The following HMCN1 variants were observed in gnomAD, a reference collection of about 807,000 sequenced individuals.
The protein encoded by HMCN1 is hemicentin-1.
Under a neutral mutation model 625.9 loss-of-function variants are expected in HMCN1, and 321 were observed. The observed-to-expected ratio is 0.51, with a 90% confidence interval of 0.47 to 0.56. HMCN1 has a LOEUF of 0.56. HMCN1 is among the 20% of genes least tolerant of loss of function. The pLI is 0.00. For missense variants in HMCN1, 6,588 were observed against 6,887.3 expected (o/e 0.96, Z 1.54); for synonymous variants, 2,425 against 2,417.6 (o/e 1.00, Z -0.09).
chr1:185,902,405 CTCTATCTATCTATCTATCTA>C (rs57523158), intron 4 of HMCN1, among the ~76,000 whole-genome samples: 7,204 of 145,340 alleles, frequency 0.05, 644 homozygotes, highest in African/African-American at 0.18. Flanking sequence ...ATCTATCTAT[CTCTATCTATCTATCTATCTA>C]TCTATCTATC....
chr1:186,143,179 A>G (rs1275172411), intron 89 of HMCN1, among the ~76,000 whole-genome samples: 1 of 152,232 alleles, frequency 6.6e-6, no homozygotes, highest in Admixed American at 6.5e-5. Flanking sequence ...TAACTATAAG[A>G]AACTGTAACA....
intron 1 of HMCN1, among the ~76,000 whole-genome samples, chr1:185,771,276 G>A (rs1246467931): frequency 2.0e-5 from 3 of 152,202 alleles, no homozygotes. Flanking sequence ...GGGATCAGTA[G>A]CGTTTGGCAG....
chr1:185,783,985 G>A (rs975581582), intron 1 of HMCN1, among the ~76,000 whole-genome samples: 14 of 152,192 alleles, frequency 9.2e-5, no homozygotes, highest in Non-Finnish European at 1.5e-4. Flanking sequence ...TAGCTGCGGT[G>A]GGCTCCACCC....
intron 28 of HMCN1, among the ~76,000 whole-genome samples, chr1:186,003,464 A>C (rs1208164897): frequency 6.6e-6 from 1 of 152,250 alleles, no homozygotes; most frequent in South Asian, 2.1e-4. Flanking sequence ...TAATACACCC[A>C]AAAATGAACC....
intron 18 of HMCN1, among the ~76,000 whole-genome samples, chr1:185,983,163 T>C (rs1651768889): frequency 6.6e-6 from 1 of 152,170 alleles, no homozygotes; most frequent in African/African-American, 2.4e-5. Flanking sequence ...GTCATTGTTT[T>C]TCGGTGTAAA....
At chr1:185,802,355 A>G (rs1658856052) in intron 1 of HMCN1, among the ~76,000 whole-genome samples, 1 of 152,194 alleles carries the variant, frequency 6.6e-6, no homozygotes, top group South Asian at 2.1e-4. Context: ...TGTAGACTAG[A>G]CATCTTGATA....
At chr1:186,028,022 GGT>G (rs1655173348) in intron 36 of HMCN1, among the ~76,000 whole-genome samples, 1 of 151,754 alleles carries the variant, frequency 6.6e-6, no homozygotes, top group Non-Finnish European at 1.5e-5. Flanking sequence ...AGATTTTCTT[GGT>G]ATAGATTAAT....
At chr1:186,090,634 T>C (rs1338666826) in intron 63 of HMCN1, 124 bp from the exon 64 acceptor site, 2 of 1,071,064 alleles carry the variant, frequency 1.9e-6, no homozygotes, top group Admixed American at 4.0e-5. Flanking sequence ...ATAACAATAG[T>C]TTGACCTTGA....
At position 186,076,472 on chromosome 1, in the gene HMCN1, G is replaced by T. The variant is rs765146245; in HGVS notation, c.8335G>T (p.Asp2779Tyr). The change falls in exon 54 of 107, where the codon GAT becomes TAT. Residue 2779 changes from aspartate (D) to tyrosine (Y), a missense_variant. Transcript: ENST00000271588. ...QKLWEIGNML[D>Y]TGRNGEAKDV... ...ACTCTGGGAAATAGGAAACATGCTA[G>T]ATACTGGCAGGAATGGTGAAGCCAA... 8 of 1,613,572 alleles carry T rather than the reference G, an allele frequency of 5.0e-6. No homozygotes were observed. The Admixed American group carries it at 8.3e-5, about 17-fold the overall frequency.
chr1:186,093,757 G>GT lies in HMCN1; in HGVS notation c.10196+95dup, dbSNP rs933624923. ...TTCATTTAAACAGTGTTGAAGAAAT[G>GT]TTTTTTTCTAAGCCTTTACAGTTTT... On this transcript the variant is annotated intron_variant, in intron 66 of 106. Transcript: ENST00000271588. 6 of 1,563,018 alleles carry GT rather than the reference G, an allele frequency of 3.8e-6. No individual in the cohort carries two copies. In the South Asian group the frequency reaches 4.5e-5, roughly 12 times the overall value.
intron 1 of HMCN1, among the ~76,000 whole-genome samples, chr1:185,793,286 A>C (rs1258511814): frequency 6.6e-6 from 1 of 152,204 alleles, no homozygotes; most frequent in African/African-American, 2.4e-5. Context: ...TGGAGGCTGG[A>C]GGGGTAAATC....
intron 11 of HMCN1, among the ~76,000 whole-genome samples, chr1:185,939,146 CTCAGTGGCTATTA>C (rs1489711669): frequency 2.6e-5 from 4 of 152,146 alleles, no homozygotes; most frequent in Non-Finnish European, 5.9e-5. Context: ...GTGAACTTCC[CTCAGTGGCTATTA>C]TCAGGTTCAT....
intron 4 of HMCN1, among the ~76,000 whole-genome samples, chr1:185,872,145 T>A (rs553063443): frequency 6.6e-6 from 1 of 152,186 alleles, no homozygotes; most frequent in Non-Finnish European, 1.5e-5. Context: ...GAAAATGGAA[T>A]GGAGATGTTC....
intron 57 of HMCN1, among the ~76,000 whole-genome samples, chr1:186,084,365 AAGTAATCACT>A (rs1659347566): frequency 1.3e-5 from 2 of 152,140 alleles, no homozygotes; most frequent in Admixed American, 6.6e-5. Context: ...ACTTGTGAGG[AAGTAATCACT>A]AGTGTTTTAC....
chr1:186,144,795 T>C, intron 91 of HMCN1, 92 bp downstream of exon 91: 2 of 1,462,376 alleles, frequency 1.4e-6, no homozygotes. Context: ...CGTTATTTGG[T>C]TCTTCAACCT....
At chr1:186,127,023 A>G (rs1254148635) in intron 82 of HMCN1, among the ~76,000 whole-genome samples, 2 of 152,124 alleles carry the variant, frequency 1.3e-5, no homozygotes, top group South Asian at 4.1e-4. Context: ...GACTCTGCAT[A>G]TACTTTGAAG....
chr1:186,026,393 A>G (rs895490660), intron 36 of HMCN1, among the ~76,000 whole-genome samples: 8 of 152,210 alleles, frequency 5.3e-5, no homozygotes, highest in African/African-American at 1.4e-4. Context: ...ATTTAGTTTC[A>G]TAAAAAAGTT....
chr1:186,004,325 G>C (rs897576645), intron 29 of HMCN1, among the ~76,000 whole-genome samples: 2 of 152,104 alleles, frequency 1.3e-5, no homozygotes, highest in African/African-American at 4.8e-5. Flanking sequence ...GGTCTGTATT[G>C]GTTGTGAGAA....
chr1:185,934,954 T>A (rs932285097), intron 11 of HMCN1, among the ~76,000 whole-genome samples: 1 of 152,168 alleles, frequency 6.6e-6, no homozygotes, highest in South Asian at 2.1e-4. Context: ...AGAATGTGTG[T>A]CTTTTGTTAG....
Sources: allele counts gnomAD v4.1 joint callset (sites outside exome capture counted in the v4.1 genomes callset), GRCh38; gene constraint gnomAD v4.1.1; transcripts MANE v1.5; gene names NCBI Gene and HGNC (gene_info 2026-07-23, HGNC 2026-07-21).